NALF1: variants seen among roughly 807,000 people sequenced by gnomAD.
The protein encoded by NALF1 is family with sequence similarity 155 member A.
Under a neutral mutation model 48.4 loss-of-function variants are expected in NALF1, and 3 were observed. The ratio of observed to expected loss-of-function variants is 0.06; its 90% CI spans 0.03 to 0.16. NALF1 has a LOEUF of 0.16. Ranked by LOEUF, NALF1 falls within the 10% of genes least tolerant of loss-of-function variation. NALF1 has a pLI of 1.00. For synonymous variants in NALF1, 262 were observed against 245.7 expected, an observed-to-expected ratio of 1.07 and a Z score of -0.62; for missense variants, 526 against 571.5, an observed-to-expected ratio of 0.92 and a Z score of 0.81.
chr13:107,663,047 C>T (rs973325579), intron 1 of NALF1, among the ~76,000 whole-genome samples: 3 of 152,110 alleles, frequency 2.0e-5, no homozygotes, highest in African/African-American at 7.2e-5. Flanking sequence ...AAACATATAA[C>T]CCCCTCCTCA....
At chr13:107,217,178 G>A (rs749108404) in intron 1 of NALF1, among the ~76,000 whole-genome samples, 1 of 152,096 alleles carries the variant, frequency 6.6e-6, no homozygotes, top group Non-Finnish European at 1.5e-5. Flanking sequence ...CACTGAGATT[G>A]TTCTTTCCAA....
intron 1 of NALF1, among the ~76,000 whole-genome samples, chr13:107,410,065 T>C (rs192829204): frequency 7.2e-5 from 11 of 152,370 alleles, no homozygotes; most frequent in Non-Finnish European, 1.3e-4. Context: ...TGGAGTTTTA[T>C]GGAAATTTTA....
At chr13:107,861,252 TA>T (rs982206733) in intron 1 of NALF1, among the ~76,000 whole-genome samples, 35 of 151,724 alleles carry the variant, frequency 2.3e-4, no homozygotes, top group African/African-American at 7.2e-4. Flanking sequence ...CATGCATCAA[TA>T]AAAAAAAATT....
chr13:107,325,863 T>TATATATAC (rs1566485789), intron 1 of NALF1, among the ~76,000 whole-genome samples: 3 of 76,074 alleles, frequency 3.9e-5, no homozygotes, highest in Non-Finnish European at 8.8e-5. Flanking sequence ...CACATATATA[T>TATATATAC]ATATATATAT....
intron 1 of NALF1, among the ~76,000 whole-genome samples, chr13:107,861,058 C>T (rs1345229741): frequency 3.9e-5 from 6 of 152,080 alleles, no homozygotes; most frequent in Non-Finnish European, 5.9e-5. Flanking sequence ...AAACAAATAT[C>T]TAATAATAAG....
intron 1 of NALF1, among the ~76,000 whole-genome samples, chr13:107,266,582 GATAA>G (rs1881043690): frequency 6.6e-6 from 1 of 152,066 alleles, no homozygotes; most frequent in African/African-American, 2.4e-5. Context: ...TGTGTATGTA[GATAA>G]ATAAACACAC....
At chr13:107,545,738 T>G (rs569524669) in intron 1 of NALF1, among the ~76,000 whole-genome samples, 1 of 152,002 alleles carries the variant, frequency 6.6e-6, no homozygotes, top group South Asian at 2.1e-4. Context: ...GTGGGCAGTG[T>G]GGGGTGGAAA....
chr13:107,671,089 G>A (rs575369672), intron 1 of NALF1, among the ~76,000 whole-genome samples: 2 of 151,976 alleles, frequency 1.3e-5, no homozygotes, highest in South Asian at 4.2e-4. Context: ...TAATGGAGTA[G>A]AACAAAAGTA....
intron 1 of NALF1, among the ~76,000 whole-genome samples, chr13:107,253,106 TTA>T (rs1406552169): frequency 6.6e-6 from 1 of 152,096 alleles, no homozygotes; most frequent in African/African-American, 2.4e-5. Context: ...AGTCAACCTT[TTA>T]TTTTACAAAA....
chr13:107,414,152 T>C (rs1334930242), intron 1 of NALF1, among the ~76,000 whole-genome samples: 1 of 152,142 alleles, frequency 6.6e-6, no homozygotes, highest in African/African-American at 2.4e-5. Flanking sequence ...TAATTTATTA[T>C]TATAAGCATA....
chr13:107,571,390 A>C lies in NALF1; in HGVS notation c.915+294292T>G, dbSNP rs571523109. On this transcript the variant is annotated intron_variant, in intron 1 of 2. Coordinates refer to ENST00000375915, the MANE Select transcript of NALF1 (RefSeq NM_001080396.3). ...CTTGATCACCAATGCCAAGTGATTT[A>C]ATCAATCATAATTAGGAAAGGAAAC... Among the ~76,000 whole-genome samples, 109 of 152,248 alleles carry C rather than the reference A, an allele frequency of 7.2e-4. 1 individual carries two copies. Among genetic ancestry groups the C allele is most frequent in the African/African-American group, 2.6e-3 (106 of 41,528 alleles).
intron 1 of NALF1, among the ~76,000 whole-genome samples, chr13:107,307,769 T>C (rs559697328): frequency 6.6e-6 from 1 of 152,308 alleles, no homozygotes; most frequent in East Asian, 1.9e-4. Flanking sequence ...TAAAGACAAT[T>C]CACCCTTTAA....
At chr13:107,358,183 T>C (rs1594135612) in intron 1 of NALF1, among the ~76,000 whole-genome samples, 1 of 152,134 alleles carries the variant, frequency 6.6e-6, no homozygotes, top group Non-Finnish European at 1.5e-5. Context: ...TGTGTGTGTG[T>C]GTGTGTGTGT....
intron 1 of NALF1, among the ~76,000 whole-genome samples, chr13:107,391,044 C>T (rs1423121079): frequency 6.6e-6 from 1 of 152,188 alleles, no homozygotes; most frequent in Admixed American, 6.5e-5. Context: ...GAGGAAGGAG[C>T]ATCAGTGCAG....
chr13:107,596,440 G>C (rs1239586186), intron 1 of NALF1, among the ~76,000 whole-genome samples: 1 of 152,162 alleles, frequency 6.6e-6, no homozygotes, highest in African/African-American at 2.4e-5. Flanking sequence ...ATCAATGATA[G>C]ATTGGATAAA....
At chr13:107,378,183 T>TG (rs1203055215) in intron 1 of NALF1, among the ~76,000 whole-genome samples, 2 of 152,168 alleles carry the variant, frequency 1.3e-5, no homozygotes, top group Non-Finnish European at 2.9e-5. Flanking sequence ...ACATTCTGTA[T>TG]GATGCTAGAG....
At chr13:107,680,419 C>T (rs561982873) in intron 1 of NALF1, among the ~76,000 whole-genome samples, 45 of 145,022 alleles carry the variant, frequency 3.1e-4, no homozygotes, top group Middle Eastern at 3.7e-3. Context: ...AGTGTGTGTG[C>T]GTGTGAGTGT....
At chr13:107,732,926 T>A (rs1876354150) in intron 1 of NALF1, among the ~76,000 whole-genome samples, 1 of 152,180 alleles carries the variant, frequency 6.6e-6, no homozygotes, top group Non-Finnish European at 1.5e-5. Context: ...TTGACTTTTT[T>A]AAGTTAATGA....
intron 1 of NALF1, among the ~76,000 whole-genome samples, chr13:107,257,604 A>C (rs2138850771): frequency 6.6e-6 from 1 of 151,920 alleles, no homozygotes; most frequent in South Asian, 2.1e-4. Flanking sequence ...CTTGATCTTG[A>C]GAAACTGTGG....
Sources: gnomAD v4.1 joint callset for allele counts (sites outside exome capture counted in the v4.1 genomes callset) on GRCh38, gnomAD v4.1.1 for gene constraint, MANE v1.5 for transcripts, NCBI Gene and HGNC (gene_info 2026-07-23, HGNC 2026-07-21) for gene names.